Variants in MLLT10 observed in about 807,000 individuals in gnomAD.
The protein encoded by MLLT10 is protein AF-10.
In MLLT10, 30 loss-of-function variants were observed where a neutral mutation model predicts 129.1. The observed-to-expected ratio is 0.23, with a 90% CI of 0.17 to 0.32. The LOEUF is 0.32. Ranked by LOEUF, MLLT10 falls within the 10% of genes least tolerant of loss-of-function variation. The pLI is 1.00. For synonymous variants in MLLT10, 490 were observed against 446.4 expected (o/e 1.10, Z -1.23); for missense variants, 1,119 against 1,268.3 (o/e 0.88, Z 1.79).
intron 9 of MLLT10, among the ~76,000 whole-genome samples, chr10:21,661,251 G>A (rs1403529162): frequency 6.6e-6 from 1 of 152,170 alleles, no homozygotes; most frequent in Non-Finnish European, 1.5e-5. Flanking sequence ...ATGTAAGCTG[G>A]AGAATAGAAG....
intron 8 of MLLT10, among the ~76,000 whole-genome samples, chr10:21,619,959 C>T (rs1321223142): frequency 7.0e-6 from 1 of 142,664 alleles, no homozygotes; most frequent in Non-Finnish European, 1.5e-5. Context: ...GTCGCTTAGG[C>T]TGGAGTGTCG....
chr10:21,741,050 A>C (rs2081991420), intron 22 of MLLT10, among the ~76,000 whole-genome samples: 1 of 152,222 alleles, frequency 6.6e-6, no homozygotes, highest in African/African-American at 2.4e-5. Context: ...CGTTACTTTG[A>C]AAGTTTTGTT....
intron 3 of MLLT10, chr10:21,556,874 T>C: frequency 2.6e-6 from 4 of 1,551,246 alleles, no homozygotes; most frequent in Non-Finnish European, 3.5e-6. Context: ...GGATATTCTT[T>C]TTTATATTTA....
chr10:21,724,143 C>T (rs568949080), intron 14 of MLLT10, among the ~76,000 whole-genome samples: 1 of 152,324 alleles, frequency 6.6e-6, no homozygotes, highest in Non-Finnish European at 1.5e-5. Flanking sequence ...AGAGTACCAA[C>T]TTACTGACTT....
chr10:21,649,847 G>A (rs1009984670), intron 8 of MLLT10, among the ~76,000 whole-genome samples: 3 of 152,176 alleles, frequency 2.0e-5, no homozygotes, highest in Admixed American at 1.3e-4. Context: ...GTTAACCCAG[G>A]TTCAAGGGAG....
chr10:21,626,042 T>G (rs2046397722), intron 8 of MLLT10: 6 of 1,363,328 alleles, frequency 4.4e-6, no homozygotes, highest in Non-Finnish European at 5.3e-6. Flanking sequence ...AGTATAATCA[T>G]TTCTCTCAAG....
intron 13 of MLLT10, among the ~76,000 whole-genome samples, chr10:21,710,296 T>G (rs925194470): frequency 3.0e-4 from 45 of 152,188 alleles, no homozygotes; most frequent in Non-Finnish European, 3.4e-4. Flanking sequence ...GTAACATAAA[T>G]GAGTGACATG....
intron 13 of MLLT10, among the ~76,000 whole-genome samples, chr10:21,692,350 T>C (rs1463138964): frequency 6.6e-6 from 1 of 150,980 alleles, no homozygotes; most frequent in Non-Finnish European, 1.5e-5. Flanking sequence ...TATTATTATT[T>C]AATCAATCAG....
chr10:21,583,137 T>C (rs1215772751), intron 3 of MLLT10, among the ~76,000 whole-genome samples: 1 of 152,184 alleles, frequency 6.6e-6, no homozygotes, highest in Non-Finnish European at 1.5e-5. Context: ...GCCACTGCAC[T>C]CCAGCCTGGG....
intron 3 of MLLT10, among the ~76,000 whole-genome samples, chr10:21,548,402 C>T (rs1335654968): frequency 6.7e-6 from 1 of 150,116 alleles, no homozygotes; most frequent in African/African-American, 2.5e-5. Context: ...GAGACGGAGC[C>T]TCTGTTGCCC....
intron 14 of MLLT10, among the ~76,000 whole-genome samples, chr10:21,717,870 C>T (rs2056839711): frequency 6.8e-6 from 1 of 146,668 alleles, no homozygotes; most frequent in Non-Finnish European, 1.5e-5. Context: ...TCCTTCTCCT[C>T]CTCCTTCTCC....
chr10:21,573,605 T>G (rs1274435233), intron 3 of MLLT10, among the ~76,000 whole-genome samples: 1 of 152,128 alleles, frequency 6.6e-6, no homozygotes, highest in Non-Finnish European at 1.5e-5. Flanking sequence ...TCTTTTTTTT[T>G]TTTTAGTGAT....
At chr10:21,621,318 T>C (rs530803530) in intron 8 of MLLT10, among the ~76,000 whole-genome samples, 8 of 149,662 alleles carry the variant, frequency 5.3e-5, no homozygotes, top group Middle Eastern at 3.5e-3. Context: ...GATCTGGGCT[T>C]ACTGCAAGCT....
chr10:21,739,685 A>G (rs2058673183), intron 21 of MLLT10, among the ~76,000 whole-genome samples: 1 of 152,164 alleles, frequency 6.6e-6, no homozygotes. Flanking sequence ...AGAAACGGGA[A>G]CTTTAAGGTT....
intron 3 of MLLT10, among the ~76,000 whole-genome samples, chr10:21,560,678 A>T (rs558177171): frequency 2.6e-5 from 4 of 152,080 alleles, no homozygotes; most frequent in African/African-American, 9.6e-5. Flanking sequence ...GAACTTCTGG[A>T]CTCAAGCAAT....
At chr10:21,625,068 G>A (rs2046298665) in intron 8 of MLLT10, 1 of 867,256 alleles carries the variant, frequency 1.2e-6, no homozygotes, top group Non-Finnish European at 1.9e-6. Context: ...AATCATAACT[G>A]TAGTAATCTT....
chr10:21,660,165 G>A (rs1012497881), intron 9 of MLLT10, among the ~76,000 whole-genome samples: 1 of 151,272 alleles, frequency 6.6e-6, no homozygotes, highest in Non-Finnish European at 1.5e-5. Flanking sequence ...GATAAGTTTC[G>A]CATGTTGCCT....
At chr10:21,668,711 C>T (rs990690309) in intron 9 of MLLT10, among the ~76,000 whole-genome samples, 4 of 151,914 alleles carry the variant, frequency 2.6e-5, no homozygotes, top group African/African-American at 4.8e-5. Context: ...CAGATTTATA[C>T]TTGAGGGTTT....
rs191288033 is a variant in MLLT10, at chr10:21,651,431, T to C, written c.700-242T>C. 2.6e-5 allele frequency among the ~76,000 whole-genome samples: 4 copies of C among 152,314 alleles called. No homozygotes were observed. The East Asian group carries it at 7.7e-4, about 29-fold the overall frequency. ...TGCTGAATGTAAATGTAGCAAATAA[T>C]TACAGACTTCAGTTGTTTATTAGTA... On this transcript the variant is annotated intron_variant, in intron 8 of 22. Transcript: ENST00000307729.
Sources: gnomAD v4.1 joint callset for allele counts (sites outside exome capture counted in the v4.1 genomes callset) on GRCh38, gnomAD v4.1.1 for gene constraint, MANE v1.5 for transcripts, NCBI Gene and HGNC (gene_info 2026-07-23, HGNC 2026-07-21) for gene names.